NRF1: variants seen among roughly 807,000 people sequenced by gnomAD.
NRF1 encodes the protein alpha palindromic-binding protein.
NRF1 carries 5 observed loss-of-function variants against 58.5 expected under a neutral mutation model. The observed-to-expected ratio is 0.09, with a 90% CI of 0.04 to 0.18. The LOEUF (loss-of-function observed/expected upper bound fraction) is 0.18, where lower values mean the gene tolerates loss of function less well. Among genes scored for constraint, NRF1 ranks in the 10% least tolerant of loss-of-function variants. The pLI is 1.00. For synonymous variants in NRF1, 224 were observed against 246.7 expected (o/e 0.91, Z 0.86); for missense variants, 288 against 657.7 (o/e 0.44, Z 6.15).
At chr7:129,641,968 C>G (rs964530388) in intron 1 of NRF1, 2 of 151,852 alleles carry the variant, frequency 1.3e-5, no homozygotes, top group Non-Finnish European at 2.9e-5. Context: ...TGTGAGCCAC[C>G]GCACCCAGCC....
At chr7:129,666,211 A>C (rs1043541664) in intron 2 of NRF1, among the ~76,000 whole-genome samples, 1 of 152,218 alleles carries the variant, frequency 6.6e-6, no homozygotes, top group Non-Finnish European at 1.5e-5. Flanking sequence ...TAAAAAGTAC[A>C]GATATGGTTG....
intron 4 of NRF1, among the ~76,000 whole-genome samples, chr7:129,690,196 T>C (rs1366867269): frequency 6.6e-6 from 1 of 152,244 alleles, no homozygotes. Context: ...TCTATTGTTG[T>C]TACCTGCAAT....
At chr7:129,641,016 C>T (rs1252548714) in intron 1 of NRF1, among the ~76,000 whole-genome samples, 2 of 152,194 alleles carry the variant, frequency 1.3e-5, no homozygotes, top group African/African-American at 2.4e-5. Flanking sequence ...CCGTGGAGAC[C>T]TTATGATGAA....
In NRF1 at chr7:129,741,477, A is replaced by G. The variant is rs796885699; in HGVS notation, c.1349-13541A>G. ...CCTGTCATTGTGAGCGCTATTCTGT[A>G]AAGGGATTTTTTTTTCTGGCATACC... On this transcript the variant is annotated intron_variant, in intron 10 of 10. Coordinates refer to ENST00000393232, the MANE Select transcript of NRF1 (RefSeq NM_005011.5). This position sits in a 1 kb window ranked among gnomAD's most constrained non-coding sequence, Gnocchi z 4.0. Among the ~76,000 whole-genome samples, 1 of 152,160 alleles carries G rather than the reference A, an allele frequency of 6.6e-6. No homozygotes were observed. The highest frequency in any genetic ancestry group is 1.5e-5 in the Non-Finnish European group (1 of 68,024).
chr7:129,662,458 G>A (rs2151078288), intron 2 of NRF1, among the ~76,000 whole-genome samples: 1 of 149,900 alleles, frequency 6.7e-6, no homozygotes, highest in East Asian at 2.0e-4. Flanking sequence ...GTTTCCAATA[G>A]TGGAAAAAAA....
At chr7:129,693,978 A>G (rs555334672) in intron 5 of NRF1, among the ~76,000 whole-genome samples, 1 of 152,212 alleles carries the variant, frequency 6.6e-6, no homozygotes, top group Non-Finnish European at 1.5e-5. Context: ...AGTTATTATC[A>G]TTTTGGAGGT....
At chr7:129,652,595 TTTTA>T (rs1429878778) in intron 1 of NRF1, among the ~76,000 whole-genome samples, 3 of 152,172 alleles carry the variant, frequency 2.0e-5, no homozygotes, top group East Asian at 3.9e-4. Context: ...TAAAATTTAT[TTTTA>T]TTTATTTATT....
At position 129,622,077 on chromosome 7, in the gene NRF1, G is replaced by A. The variant is rs376741101; in HGVS notation, c.-7+10253G>A. Among the ~76,000 whole-genome samples the A allele has an allele frequency of 2.6e-4, 39 of 151,898 alleles. 1 individual carries two copies. The East Asian group carries it at 5.4e-3, about 21-fold the overall frequency. On this transcript the variant is annotated intron_variant, in intron 1 of 10. Coordinates refer to ENST00000393232, the MANE Select transcript of NRF1 (RefSeq NM_005011.5). ...ATTACAGGTGTGAGCCACCGTGACCGGCCGAAATGTATTTATAGTGAAAAA... is the reference window on the plus strand; with the variant it reads ...ATTACAGGTGTGAGCCACCGTGACCAGCCGAAATGTATTTATAGTGAAAAA...
At chr7:129,696,191 C>T (rs1006875035) in intron 5 of NRF1, among the ~76,000 whole-genome samples, 1 of 151,858 alleles carries the variant, frequency 6.6e-6, no homozygotes, top group Non-Finnish European at 1.5e-5. Context: ...TTGCAGTGAG[C>T]CGAGATCATG....
At chr7:129,678,897 A>G (rs1475735457) in intron 4 of NRF1, among the ~76,000 whole-genome samples, 3 of 152,234 alleles carry the variant, frequency 2.0e-5, no homozygotes, top group African/African-American at 4.8e-5. Flanking sequence ...CCTCCATAGA[A>G]TACAAGAAGA....
chr7:129,664,461 A>T (rs1306317766), intron 2 of NRF1, among the ~76,000 whole-genome samples: 1 of 152,258 alleles, frequency 6.6e-6, no homozygotes, highest in Admixed American at 6.5e-5. Flanking sequence ...TTCAATGAAC[A>T]ACAACTTTAT....
At chr7:129,744,354 G>T in intron 10 of NRF1, 1 of 684,864 alleles carries the variant, frequency 1.5e-6, no homozygotes, top group Non-Finnish European at 2.5e-6. Context: ...CCCTCACTCG[G>T]TCACCTGATA....
intron 10 of NRF1, among the ~76,000 whole-genome samples, chr7:129,734,718 G>C (rs1803666201): frequency 6.6e-6 from 1 of 152,238 alleles, no homozygotes; most frequent in African/African-American, 2.4e-5. Flanking sequence ...TCAGTGAGCA[G>C]AGTACTTTGC....
At chr7:129,642,127 CG>C (rs1311393660) in intron 1 of NRF1, among the ~76,000 whole-genome samples, 1 of 151,506 alleles carries the variant, frequency 6.6e-6, no homozygotes, top group Non-Finnish European at 1.5e-5. Context: ...TACAGGCACT[CG>C]CCACCATGCC....
intron 1 of NRF1, among the ~76,000 whole-genome samples, chr7:129,652,595 T>A (rs898114261): frequency 6.6e-6 from 1 of 152,062 alleles, no homozygotes; most frequent in African/African-American, 2.4e-5. Context: ...TAAAATTTAT[T>A]TTTATTTATT....
At chr7:129,622,985 G>A (rs902657229) in intron 1 of NRF1, among the ~76,000 whole-genome samples, 2 of 152,118 alleles carry the variant, frequency 1.3e-5, no homozygotes, top group African/African-American at 2.4e-5. Flanking sequence ...TTGTTTTAAT[G>A]AAATGTAAAA....
chr7:129,637,218 T>C (rs944204175), intron 1 of NRF1, among the ~76,000 whole-genome samples: 1 of 151,528 alleles, frequency 6.6e-6, no homozygotes, highest in African/African-American at 2.4e-5. Flanking sequence ...TTTGAGGTTC[T>C]GTACAGGATT....
At chr7:129,675,919 A>G (rs1004798281) in intron 3 of NRF1, among the ~76,000 whole-genome samples, 5 of 152,342 alleles carry the variant, frequency 3.3e-5, no homozygotes, top group Admixed American at 6.5e-5. Context: ...CCTAGATTGT[A>G]TCTTCTTCCA....
At chr7:129,622,111 A>G (rs181447341) in intron 1 of NRF1, among the ~76,000 whole-genome samples, 2 of 152,176 alleles carry the variant, frequency 1.3e-5, no homozygotes, top group East Asian at 3.9e-4. Flanking sequence ...AATTTAGAAG[A>G]AAAGCACCCC....
Sources: gnomAD v4.1 joint callset for allele counts (sites outside exome capture counted in the v4.1 genomes callset) on GRCh38, gnomAD v4.1.1 for gene constraint, Gnocchi (gnomAD v3.1) non-coding constraint, MANE v1.5 for transcripts, NCBI Gene and HGNC (gene_info 2026-07-23, HGNC 2026-07-21) for gene names.